The following COBL variants were observed in gnomAD, a reference collection of about 807,000 sequenced individuals.
The protein encoded by COBL is protein cordon-bleu.
A neutral mutation model predicts 98.8 loss-of-function variants in COBL; 51 were observed. The ratio of observed to expected loss-of-function variants is 0.52; its 90% confidence interval spans 0.41 to 0.65. The LOEUF (loss-of-function observed/expected upper bound fraction) is 0.65, where lower values mean the gene tolerates loss of function less well. Among genes scored for constraint, COBL ranks in the 30% least tolerant of loss-of-function variants. COBL has a pLI of 0.00. For missense variants in COBL, 1,617 were observed against 1,617.5 expected (o/e 1.00, Z 0.01); for synonymous variants, 634 against 651.7 (o/e 0.97, Z 0.41).
At chr7:51,278,155 GATAA>G (rs745747641) in intron 1 of COBL, among the ~76,000 whole-genome samples, 3 of 152,088 alleles carry the variant, frequency 2.0e-5, no homozygotes, top group Non-Finnish European at 4.4e-5. Flanking sequence ...CGTATCAAAT[GATAA>G]ATAAATTTAG....
intron 5 of COBL, chr7:51,172,383 T>C (rs1407437115): frequency 4.2e-6 from 4 of 949,648 alleles, no homozygotes; most frequent in African/African-American, 1.7e-5. Context: ...GTGATTTCAC[T>C]ATCTGGAAGG....
At chr7:51,128,587 G>C (rs928266159) in intron 6 of COBL, among the ~76,000 whole-genome samples, 4 of 152,206 alleles carry the variant, frequency 2.6e-5, no homozygotes, top group Non-Finnish European at 4.4e-5. Flanking sequence ...ATTTTGTGTG[G>C]CCATTGCACC....
At chr7:51,239,952 G>A (rs921383981) in intron 1 of COBL, among the ~76,000 whole-genome samples, 1 of 152,104 alleles carries the variant, frequency 6.6e-6, no homozygotes, top group African/African-American at 2.4e-5. Flanking sequence ...TAGCCACTGT[G>A]GCAAAAATGC....
At chr7:51,108,934 ACACACACACACACACACACACACC>A (rs1170176510) in intron 6 of COBL, among the ~76,000 whole-genome samples, 106 of 104,142 alleles carry the variant, frequency 1.0e-3, no homozygotes, top group African/African-American at 4.0e-3. Flanking sequence ...ACACACACAC[ACACACACACACACACACACACACC>A]CCCTGCCCCA....
chr7:51,249,821 A>T (rs1211966574), intron 1 of COBL, among the ~76,000 whole-genome samples: 1 of 152,130 alleles, frequency 6.6e-6, no homozygotes, highest in Admixed American at 6.5e-5. Context: ...ACTGGCTTGA[A>T]GAAGAACATT....
intron 1 of COBL, among the ~76,000 whole-genome samples, chr7:51,224,912 T>G (rs140026747): frequency 4.6e-5 from 7 of 152,270 alleles, no homozygotes; most frequent in South Asian, 2.1e-4. Context: ...TCCGCCTGCA[T>G]GTGGGTGACC....
rs556904155 is a variant in COBL at position 51,077,127 on chromosome 7, A to C, written c.1096+8039T>G. Among the ~76,000 whole-genome samples the C allele has an allele frequency of 1.1e-4, 16 of 152,330 alleles. No individual in the cohort carries two copies. The East Asian group carries it at 2.7e-3, about 26-fold the overall frequency. On this transcript the variant is annotated intron_variant, in intron 7 of 12. Coordinates refer to ENST00000265136, the MANE Select transcript of COBL (RefSeq NM_015198.5). Reference sequence around the variant, plus strand: ...GCTGATTCGAAAGTTATGATGAAAAATCCGTATGCACACAACTGTATTGGT... The same window carrying C: ...GCTGATTCGAAAGTTATGATGAAAACTCCGTATGCACACAACTGTATTGGT...
intron 5 of COBL, among the ~76,000 whole-genome samples, chr7:51,178,628 CT>C (rs923601299): frequency 4.6e-5 from 7 of 151,166 alleles, no homozygotes; most frequent in Admixed American, 1.3e-4. Flanking sequence ...AGTCTCTCTT[CT>C]TTTTTTTTGA....
At chr7:51,157,275 A>G (rs887014215) in intron 5 of COBL, among the ~76,000 whole-genome samples, 7 of 152,248 alleles carry the variant, frequency 4.6e-5, no homozygotes, top group African/African-American at 1.7e-4. Context: ...TGGGAGGCTG[A>G]GGCAGGAGAA....
chr7:51,256,935 C>T (rs1290845448), intron 1 of COBL, among the ~76,000 whole-genome samples: 3 of 152,136 alleles, frequency 2.0e-5, no homozygotes, highest in Non-Finnish European at 4.4e-5. Context: ...TACTAATTTT[C>T]CTTACTCATT....
intron 1 of COBL, among the ~76,000 whole-genome samples, chr7:51,254,003 G>T (rs1446572316): frequency 1.3e-5 from 2 of 151,412 alleles, no homozygotes; most frequent in East Asian, 3.9e-4. Flanking sequence ...CATATTCAAA[G>T]AAATCTAATT....
At chr7:51,283,567 C>T (rs1584399660) in intron 1 of COBL, among the ~76,000 whole-genome samples, 1 of 152,154 alleles carries the variant, frequency 6.6e-6, no homozygotes, top group East Asian at 1.9e-4. Flanking sequence ...TCACTGCTGC[C>T]TGTGCCTCCT....
intron 7 of COBL, among the ~76,000 whole-genome samples, chr7:51,082,740 A>G (rs1793791304): frequency 6.6e-6 from 1 of 152,228 alleles, no homozygotes; most frequent in Admixed American, 6.5e-5. Context: ...TGTGCCGGAC[A>G]GCTGTCTCTC....
intron 6 of COBL, among the ~76,000 whole-genome samples, chr7:51,086,379 A>T (rs1367782414): frequency 6.8e-6 from 1 of 148,002 alleles, no homozygotes; most frequent in Non-Finnish European, 1.5e-5. Context: ...AAAAAAAAAA[A>T]AAAAAGAATG....
intron 5 of COBL, among the ~76,000 whole-genome samples, chr7:51,147,753 CT>C (rs565075669): frequency 0.014 from 1,909 of 140,440 alleles, 19 homozygotes; most frequent in South Asian, 0.04. Flanking sequence ...TTTTTCTTTT[CT>C]TTTTTTTTTT....
intron 2 of COBL, among the ~76,000 whole-genome samples, chr7:51,202,568 G>A (rs116394108): frequency 1.6e-3 from 245 of 152,218 alleles, no homozygotes; most frequent in African/African-American, 5.1e-3. Context: ...GGAGGACTAC[G>A]GTACATGGAA....
chr7:51,025,381 G>A lies in COBL; in HGVS notation c.3505-9C>T, dbSNP rs1213428426. 6 of 1,613,034 alleles carry A rather than the reference G, an allele frequency of 3.7e-6. No homozygotes were observed. In the African/African-American group the frequency reaches 6.7e-5, roughly 18 times the overall value. ...GAAGCAGAGGATGCCACCTGGCAAT[G>A]AGATGATTAAATGACTGCTATAGAG... On this transcript the variant is annotated splice_polypyrimidine_tract_variant and intron_variant, in intron 11 of 12. Coordinates refer to ENST00000265136, the MANE Select transcript of COBL (RefSeq NM_015198.5).
At chr7:51,128,506 C>A (rs750317473) in intron 6 of COBL, among the ~76,000 whole-genome samples, 1 of 140,394 alleles carries the variant, frequency 7.1e-6, no homozygotes, top group African/African-American at 2.7e-5. Context: ...AAACACAGAG[C>A]GGGGAGGGGA....
chr7:51,221,220 G>A (rs1006979598), intron 1 of COBL, among the ~76,000 whole-genome samples: 7 of 152,288 alleles, frequency 4.6e-5, no homozygotes, highest in South Asian at 4.1e-4. Flanking sequence ...AGGGTCCACA[G>A]AGAGGCAGTG....
Sources: gnomAD v4.1 joint callset for allele counts (sites outside exome capture counted in the v4.1 genomes callset) on GRCh38, gnomAD v4.1.1 for gene constraint, MANE v1.5 for transcripts, NCBI Gene and HGNC (gene_info 2026-07-23, HGNC 2026-07-21) for gene names.